ANKRD2: variants seen among roughly 807,000 people sequenced by gnomAD.
ANKRD2 encodes the protein ankyrin repeat domain 2.
In ANKRD2, 35 loss-of-function variants were observed where a neutral mutation model predicts 37.3. The ratio of observed to expected loss-of-function variants is 0.94; its 90% CI spans 0.72 to 1.24. ANKRD2 has a LOEUF of 1.24. Among genes scored for constraint, ANKRD2 ranks in the 50% most tolerant of loss-of-function variants. The pLI is 0.00. For synonymous variants in ANKRD2, 159 were observed against 186.5 expected (o/e 0.85, Z 1.20); for missense variants, 410 against 445.6 (o/e 0.92, Z 0.72).
At chr10:97,578,144 G>GCCCCCCCCCCCCCCCCCCCCCCCC in intron 2 of ANKRD2, 96 bp from the exon 3 acceptor site, 1 of 685,446 alleles carries the variant, frequency 1.5e-6, no homozygotes, top group Admixed American at 2.6e-5. Context: ...GGGTCTTCCT[G>GCCCCCCCCCCCCCCCCCCCCCCCC]CCCACCCCAC....
Position 97,578,544 on chromosome 10 carries a change from G to C in ANKRD2, c.395G>C (p.Gly132Ala). 4 of 1,573,416 alleles carry C rather than the reference G, an allele frequency of 2.5e-6. No individual in the cohort carries two copies. Among genetic ancestry groups the C allele is most frequent in the Non-Finnish European group, 3.5e-6 (4 of 1,159,030 alleles). The change falls in exon 4 of 9, where the codon GGG becomes GCG. Residue 132 changes from glycine to alanine, a missense_variant. Transcript: ENST00000370655. ...ACCTTCCTGAAAGCTGCGGTGGAGG[G>C]GAAAATGAAGGTCATTGAGAAGTTC... ...EETFLKAAVEGKMKVIEKFLA... is the reference protein window; with the variant it reads ...EETFLKAAVEAKMKVIEKFLA...
At chr10:97,572,751 A>G, upstream of ANKRD2, 1 of 1,604,660 alleles carries the variant, frequency 6.2e-7, no homozygotes. Flanking sequence ...GCTCTGGCCT[A>G]TAAAGCCCCC....
chr10:97,578,427 G>C, intron 3 of ANKRD2, 29 bp downstream of exon 3: 2 of 1,611,892 alleles, frequency 1.2e-6, no homozygotes, highest in Non-Finnish European at 1.7e-6. Flanking sequence ...ACACCGCGAG[G>C]GGGCGGAGGG....
At chr10:97,572,992 G>C in intron 1 of ANKRD2, 117 bp downstream of exon 1, 1 of 1,305,714 alleles carries the variant, frequency 7.7e-7, no homozygotes, top group South Asian at 1.5e-5. Context: ...TGTCCCCAGG[G>C]GCCCAGTTGG....
chr10:97,582,739 G>A, intron 8 of ANKRD2, 37 bp downstream of exon 8: 2 of 1,594,428 alleles, frequency 1.3e-6, no homozygotes, highest in Non-Finnish European at 1.7e-6. Context: ...TCACTGGCGT[G>A]AGCACTCATA....
At chr10:97,580,794 G>A (rs2040887196) in intron 4 of ANKRD2, 61 bp from the exon 5 acceptor site, 6 of 1,323,522 alleles carry the variant, frequency 4.5e-6, no homozygotes, top group Non-Finnish European at 6.4e-6. Context: ...CTCAGCTTGG[G>A]TGGGAGATGG....
chr10:97,579,845 C>T (rs914331187), intron 4 of ANKRD2, among the ~76,000 whole-genome samples: 1 of 152,204 alleles, frequency 6.6e-6, no homozygotes, highest in Non-Finnish European at 1.5e-5. Context: ...GATCCACCCA[C>T]CTCGGCCTCC....
chr10:97,583,478 C>T (rs2040929024), intron 8 of ANKRD2, 98 bp from the exon 9 acceptor site: 1 of 1,199,542 alleles, frequency 8.3e-7, no homozygotes, highest in Non-Finnish European at 1.1e-6. Flanking sequence ...ATTTGAGAAG[C>T]ACTGGTGGTG....
rs376555071 is a variant in ANKRD2, at chr10:97,582,432, G to A, written c.753+19G>A. On this transcript the variant is annotated intron_variant, in intron 7 of 8. Transcript: ENST00000370655. ...AGACAGGGTGAGTGCTAGCCTGTCC[G>A]CTGCTCACCCGCCATGGGTGTGTGG... The A allele has an allele frequency of 2.7e-5, 43 of 1,577,484 alleles. No individual in the cohort carries two copies. The highest frequency in any genetic ancestry group is 1.6e-4 in the East Asian group (7 of 42,536).
intron 8 of ANKRD2, 67 bp downstream of exon 8, chr10:97,582,769 G>A: frequency 6.7e-7 from 1 of 1,482,788 alleles, no homozygotes; most frequent in South Asian, 1.1e-5. Context: ...TGCTGTCCTG[G>A]TCCCTGGAGC....
At position 97,578,317 on chromosome 10, in the gene ANKRD2, C is replaced by T. The variant is rs780584398; in HGVS notation, c.267C>T (p.Ile89=). ...ATGTGGGCGGGATCCAGAACCTCAT[C>T]GAGCTGCGGAAGAAACGCAAGCAGA... The part of the protein sequence containing the change: ...IIDVGGIQNL[I]ELRKKRKQKK... The change falls in exon 3 of 9, where the codon ATC becomes ATT. Residue 89 remains isoleucine (I), a synonymous_variant. Coordinates refer to ENST00000370655, the MANE Select transcript of ANKRD2 (RefSeq NM_001346793.2). 2 of 1,613,304 alleles carry T rather than the reference C, an allele frequency of 1.2e-6. No individual in the cohort carries two copies. The highest frequency in any genetic ancestry group is 1.7e-6 in the Non-Finnish European group (2 of 1,179,944).
intron 1 of ANKRD2, among the ~76,000 whole-genome samples, chr10:97,577,539 T>C (rs1019706897): frequency 2.6e-5 from 4 of 152,200 alleles, no homozygotes; most frequent in African/African-American, 9.6e-5. Context: ...GCCTTTAATG[T>C]TGTTTTGCAG....
chr10:97,574,661 G>T (rs755584569), intron 1 of ANKRD2, among the ~76,000 whole-genome samples: 1 of 152,136 alleles, frequency 6.6e-6, no homozygotes, highest in African/African-American at 2.4e-5. Context: ...TCAGGTTGGA[G>T]GTAGATGCCA....
At position 97,582,429 on chromosome 10, in the gene ANKRD2, T is replaced by C. The variant is rs1470876959; in HGVS notation, c.753+16T>C. The C allele has an allele frequency of 6.3e-7, 1 of 1,576,046 alleles. No homozygotes were observed. The highest frequency in any genetic ancestry group is 8.6e-7 in the Non-Finnish European group (1 of 1,161,004). On this transcript the variant is annotated intron_variant, in intron 7 of 8. Coordinates refer to ENST00000370655, the MANE Select transcript of ANKRD2 (RefSeq NM_001346793.2). ...CAGAGACAGGGTGAGTGCTAGCCTGTCCGCTGCTCACCCGCCATGGGTGTG... is the reference window on the plus strand; with the variant it reads ...CAGAGACAGGGTGAGTGCTAGCCTGCCCGCTGCTCACCCGCCATGGGTGTG...
chr10:97,579,219 A>G (rs1341081176), intron 4 of ANKRD2, among the ~76,000 whole-genome samples: 1 of 151,912 alleles, frequency 6.6e-6, no homozygotes, highest in Non-Finnish European at 1.5e-5. Flanking sequence ...TTAGCACCTC[A>G]GTAACTCAGT....
At chr10:97,575,055 A>T (rs2040808529) in intron 1 of ANKRD2, among the ~76,000 whole-genome samples, 1 of 152,264 alleles carries the variant, frequency 6.6e-6, no homozygotes, top group African/African-American at 2.4e-5. Context: ...GCAATCTATG[A>T]CGTAAAGTGG....
At chr10:97,577,492 G>A (rs1564749630) in intron 1 of ANKRD2, among the ~76,000 whole-genome samples, 2 of 152,238 alleles carry the variant, frequency 1.3e-5, no homozygotes, top group African/African-American at 4.8e-5. Context: ...TTGAAAGAGT[G>A]AATATATTTA....
intron 1 of ANKRD2, among the ~76,000 whole-genome samples, chr10:97,573,807 C>T (rs2040790095): frequency 6.6e-6 from 1 of 152,162 alleles, no homozygotes; most frequent in African/African-American, 2.4e-5. Flanking sequence ...AATGGGTGGA[C>T]CAATAAGGGT....
chr10:97,578,235 C>T lies in ANKRD2; in HGVS notation c.190-5C>T, dbSNP rs1190349348. ...CCTGGGGGGTTGATGGGCCATCCCG[C>T]GCAGGGCCAAGAGCGCGTGCGCAAG... On this transcript the variant is annotated splice_region_variant and splice_polypyrimidine_tract_variant and intron_variant, in intron 2 of 8. Coordinates refer to ENST00000370655, the MANE Select transcript of ANKRD2 (RefSeq NM_001346793.2). The T allele has an allele frequency of 1.9e-6, 3 of 1,611,224 alleles. No individual in the cohort carries two copies. The highest frequency in any genetic ancestry group is 3.3e-5 in the Admixed American group (2 of 59,904).
Sources: gnomAD v4.1 joint callset for allele counts (sites outside exome capture counted in the v4.1 genomes callset) on GRCh38, gnomAD v4.1.1 for gene constraint, MANE v1.5 for transcripts, NCBI Gene and HGNC (gene_info 2026-07-23, HGNC 2026-07-21) for gene names.